The following EPB41L3 variants were observed in gnomAD, a reference collection of about 807,000 sequenced individuals.
EPB41L3 encodes band 4.1-like protein 3.
In EPB41L3, 57 loss-of-function variants were observed where a neutral mutation model predicts 127.1. The observed-to-expected ratio is 0.45, with a 90% CI of 0.36 to 0.56. The LOEUF (loss-of-function observed/expected upper bound fraction) is 0.56. Ranked by LOEUF, EPB41L3 falls within the 20% of genes least tolerant of loss-of-function variation. The pLI, the probability that EPB41L3 is intolerant of heterozygous loss-of-function variation, is 0.00. For synonymous variants in EPB41L3, 572 were observed against 549.5 expected (o/e 1.04, Z -0.57); for missense variants, 1,273 against 1,372.2 (o/e 0.93, Z 1.14).
At chr18:5,407,024 C>CTGA in intron 15 of EPB41L3, 56 bp from the exon 16 acceptor site, 1 of 1,530,192 alleles carries the variant, frequency 6.5e-7, no homozygotes, top group South Asian at 1.1e-5. Context: ...GTGTTCCTTT[C>CTGA]AGCTCTTTTG....
intron 2 of EPB41L3, among the ~76,000 whole-genome samples, chr18:5,483,041 T>A (rs1270825000): frequency 1.3e-5 from 2 of 152,150 alleles, no homozygotes. Context: ...AACTCTAGTA[T>A]GAAGCCCAAA....
In EPB41L3 at chr18:5,443,822, A is replaced by G; in HGVS notation, c.529+16T>C. 2 of 1,607,688 alleles carry G rather than the reference A, an allele frequency of 1.2e-6. No individual in the cohort carries two copies. Among genetic ancestry groups the G allele is most frequent in the Non-Finnish European group, 1.7e-6 (2 of 1,176,828 alleles). On this transcript the variant is annotated intron_variant, in intron 5 of 22. Transcript: ENST00000341928. The stretch of plus-strand genomic sequence containing the variant: ...AACCTTCACATTTCCACAAAAAATA[A>G]TCCAAAAGAACTTACTTCGAACCTG...
chr18:5,604,254 C>CT (rs34050346), intron 3 of EPB41L3, among the ~76,000 whole-genome samples: 16,020 of 148,038 alleles, frequency 0.11, 846 homozygotes, highest in South Asian at 0.14. Flanking sequence ...TTGACTTACT[C>CT]TTTTTTTTTT....
intron 3 of EPB41L3, among the ~76,000 whole-genome samples, chr18:5,597,182 C>T (rs1393421192): frequency 6.6e-6 from 1 of 152,206 alleles, no homozygotes; most frequent in Non-Finnish European, 1.5e-5. Context: ...TAATCTCCCC[C>T]TCATGCCACC....
Position 5,416,094 on chromosome 18 carries a change from G to A in EPB41L3, c.1791C>T (p.Pro597=), listed in dbSNP as rs779329304. The A allele has an allele frequency of 8.1e-6, 13 of 1,612,392 alleles. No homozygotes were observed. The East Asian group carries it at 2.7e-4, about 33-fold the overall frequency. The change falls in exon 13 of 23, where the codon CCC becomes CCT. Residue 597 remains proline (P), a synonymous_variant. Transcript: ENST00000341928. The part of the protein sequence containing the change: ...SFSLQLPESF[P]SLLDDDGYLS... ...GGTATCCATCATCATCTAGGAGGGA[G>A]GGGAATGACTCAGGGAGCTGCAAGG...
rs767907645 is a variant in EPB41L3 at position 5,407,679 on chromosome 18, T to G, written c.2157+22A>C. ...CTGTTGTTTTGTTGTTGTTGTTGTTTGTTTTATTTTTAATTTTCTACCTGT... is the reference window on the plus strand; with the variant it reads ...CTGTTGTTTTGTTGTTGTTGTTGTTGGTTTTATTTTTAATTTTCTACCTGT... On this transcript the variant is annotated intron_variant, in intron 15 of 22. Transcript: ENST00000341928. 5.0e-6 allele frequency: 8 copies of G among 1,612,952 alleles called. No homozygotes were observed. The South Asian group carries it at 7.7e-5, about 16-fold the overall frequency.
chr18:5,483,284 C>T (rs1384660599), intron 2 of EPB41L3, among the ~76,000 whole-genome samples: 3 of 151,898 alleles, frequency 2.0e-5, no homozygotes, highest in Non-Finnish European at 4.4e-5. Context: ...AAATAACTTG[C>T]TGTATCTATA....
chr18:5,400,528 A>T (rs750519319), intron 16 of EPB41L3: 1 of 456,798 alleles, frequency 2.2e-6, no homozygotes, highest in South Asian at 1.5e-5. Flanking sequence ...TTTCTGGAAA[A>T]TTATTTGACG....
chr18:5,480,601 T>A (rs150674496), intron 2 of EPB41L3, among the ~76,000 whole-genome samples: 28 of 152,328 alleles, frequency 1.8e-4, no homozygotes, highest in African/African-American at 6.7e-4. Flanking sequence ...CTAGCCTGAA[T>A]CAAAGAATTT....
intron 3 of EPB41L3, among the ~76,000 whole-genome samples, chr18:5,455,822 T>C (rs2082970042): frequency 6.7e-6 from 1 of 149,564 alleles, no homozygotes; most frequent in Non-Finnish European, 1.5e-5. Flanking sequence ...GGCAGCAAAC[T>C]GTCAGACAAC....
At chr18:5,474,027 C>G (rs2086666303) in intron 3 of EPB41L3, among the ~76,000 whole-genome samples, 1 of 151,902 alleles carries the variant, frequency 6.6e-6, no homozygotes, top group African/African-American at 2.4e-5. Flanking sequence ...GTCAGGAGAT[C>G]GAGACCATCT....
At chr18:5,552,821 C>T (rs752809823) in intron 3 of EPB41L3, among the ~76,000 whole-genome samples, 11 of 152,070 alleles carry the variant, frequency 7.2e-5, no homozygotes, top group Admixed American at 2.0e-4. Flanking sequence ...ATAAGGTGCC[C>T]GACGTTACAC....
intron 16 of EPB41L3, chr18:5,399,879 A>G (rs2074211875): frequency 1.3e-5 from 2 of 152,326 alleles, no homozygotes; most frequent in Non-Finnish European, 1.5e-5. Context: ...ATACAGGGAA[A>G]TGAATCCATA....
At chr18:5,445,818 A>G (rs1252901576) in intron 3 of EPB41L3, among the ~76,000 whole-genome samples, 1 of 152,130 alleles carries the variant, frequency 6.6e-6, no homozygotes, top group African/African-American at 2.4e-5. Context: ...TTCTCATAGG[A>G]GTTCGAACCC....
At chr18:5,628,231 G>A (rs983080470) in intron 1 of EPB41L3, among the ~76,000 whole-genome samples, 1 of 152,360 alleles carries the variant, frequency 6.6e-6, no homozygotes, top group Non-Finnish European at 1.5e-5. Context: ...GTTAGAATCT[G>A]TTTCTAATCA....
intron 3 of EPB41L3, among the ~76,000 whole-genome samples, chr18:5,599,100 C>G (rs1454388599): frequency 6.6e-6 from 1 of 152,176 alleles, no homozygotes; most frequent in African/African-American, 2.4e-5. Flanking sequence ...GATCTGAGTT[C>G]AAATTCTGAC....
chr18:5,522,091 G>A (rs1055639680), intron 1 of EPB41L3, among the ~76,000 whole-genome samples: 3 of 151,594 alleles, frequency 2.0e-5, no homozygotes, highest in Non-Finnish European at 4.4e-5. Context: ...ATGCCAAATC[G>A]TTATTTATTT....
chr18:5,463,782 A>G (rs1247441418), intron 3 of EPB41L3: 1 of 152,276 alleles, frequency 6.6e-6, no homozygotes, highest in Admixed American at 6.5e-5. Flanking sequence ...GCTTTCTGAG[A>G]CCCTGAACAC....
chr18:5,416,271 T>C lies in EPB41L3; in HGVS notation c.1614A>G (p.Lys538=), dbSNP rs1161508266. 2 of 1,614,014 alleles carry C rather than the reference T, an allele frequency of 1.2e-6. No homozygotes were observed. The highest frequency in any genetic ancestry group is 3.3e-5 in the Admixed American group (2 of 60,004). ...CTCTGGACGGCTCATAACCTGGCAG[T>C]TTGCAGTCATTCTCCTTACACCTCC... The part of the protein sequence containing the change: ...LRRRCKENDC[K]LPGYEPSRAE... Residue 538 remains lysine (K), a synonymous_variant, in exon 13 of 23, where the codon AAA becomes AAG. Transcript: ENST00000341928.
Sources: gnomAD v4.1 joint callset for allele counts (sites outside exome capture counted in the v4.1 genomes callset) on GRCh38, gnomAD v4.1.1 for gene constraint, MANE v1.5 for transcripts, NCBI Gene and HGNC (gene_info 2026-07-23, HGNC 2026-07-21) for gene names.